Variants in ABCA7 observed in about 807,000 individuals in gnomAD.
The protein encoded by ABCA7 is ATP binding cassette subfamily A member 7, also known as phospholipid-transporting ATPase ABCA7.
ABCA7 carries 261 observed loss-of-function variants against 227.6 expected under a neutral mutation model. That is an observed-to-expected ratio of 1.15 (90% confidence interval 1.04 to 1.27). The LOEUF is 1.27. Ranked by LOEUF, ABCA7 falls within the 50% of genes most tolerant of loss-of-function variation. The pLI is 0.00. For synonymous variants in ABCA7, 1,488 were observed against 1,279.7 expected (o/e 1.16, Z -3.47); for missense variants, 3,331 against 2,924.5 (o/e 1.14, Z -3.21).
At chr19:1,050,542 C>T (rs952572510) in intron 18 of ABCA7, among the ~76,000 whole-genome samples, 1 of 151,852 alleles carries the variant, frequency 6.6e-6, no homozygotes, top group Non-Finnish European at 1.5e-5. Flanking sequence ...GGGGCCGAGG[C>T]GGGTGGATCA....
At chr19:1,050,464 G>A (rs1465642283) in intron 18 of ABCA7, among the ~76,000 whole-genome samples, 5 of 144,922 alleles carry the variant, frequency 3.5e-5, no homozygotes, top group African/African-American at 1.2e-4. Context: ...CAGGGTTTTG[G>A]ATGTAGCATT....
chr19:1,063,802 C>A lies in ABCA7; in HGVS notation c.5890C>A (p.Leu1964Ile). The A allele has an allele frequency of 6.5e-7, 1 of 1,546,530 alleles. No individual in the cohort carries two copies. The highest frequency in any genetic ancestry group is 8.7e-7 in the Non-Finnish European group (1 of 1,145,736). The change falls in exon 44 of 47, where the codon CTT becomes ATT. Residue 1964 changes from leucine to isoleucine, a missense_variant. Physicochemically the swap from Leu to Ile is conservative, Grantham distance 5. Coordinates refer to ENST00000263094, the MANE Select transcript of ABCA7 (RefSeq NM_019112.4). Reference protein sequence around the residue: ...TGMDPSARRFLWNSLLAVVRE... With the variant: ...TGMDPSARRFIWNSLLAVVRE... Reference sequence around the variant, plus strand: ...CATGGACCCCAGCGCGCGGCGCTTCCTTTGGAACAGCCTTTTGGCCGTGGT... The same window carrying A: ...CATGGACCCCAGCGCGCGGCGCTTCATTTGGAACAGCCTTTTGGCCGTGGT...
intron 21 of ABCA7, 56 bp from the exon 22 acceptor site, chr19:1,051,886 C>A: frequency 6.3e-7 from 1 of 1,585,630 alleles, no homozygotes. Context: ...GAGGCCCCAG[C>A]TCGGGCAAAG....
intron 40 of ABCA7, among the ~76,000 whole-genome samples, chr19:1,060,195 G>GTATATATA (rs138175754): frequency 9.4e-5 from 5 of 53,466 alleles, no homozygotes; most frequent in African/African-American, 3.3e-4. Context: ...ACACATTGCA[G>GTATATATA]TATATATATA....
At position 1,054,112 on chromosome 19, in the gene ABCA7, T is replaced by C; in HGVS notation, c.3577+2T>C. 1 of 1,613,036 alleles carries C rather than the reference T, an allele frequency of 6.2e-7. No individual in the cohort carries two copies. The highest frequency in any genetic ancestry group is 8.5e-7 in the Non-Finnish European group (1 of 1,179,916). On this transcript the variant is annotated splice_donor_variant, in intron 26 of 46. Coordinates refer to ENST00000263094, the MANE Select transcript of ABCA7 (RefSeq NM_019112.4). LOFTEE classifies it high-confidence loss of function. The surrounding 1 kb of genome is among the most constrained non-coding windows in gnomAD (Gnocchi z 4.8). ...CAGCGCTGGAGAACGGGGAACCAGG[T>C]AAGTCCTTCCCAGTGGCCCTGGGGT...
rs73505229 is a variant in ABCA7, at chr19:1,056,584, T to G, written c.4586+85T>G. On this transcript the variant is annotated intron_variant, in intron 33 of 46. Transcript: ENST00000263094. This position sits in a 1 kb window ranked among gnomAD's most constrained non-coding sequence, Gnocchi z 4.3. ...GTCGTTTGGGGTGGTGGGAGCTGGATTTGAACCCTGACACACTCTTGCTTT... is the reference window on the plus strand; with the variant it reads ...GTCGTTTGGGGTGGTGGGAGCTGGAGTTGAACCCTGACACACTCTTGCTTT... 7.3e-3 allele frequency: 10,667 copies of G among 1,457,036 alleles called. 706 individuals are homozygous for G. In the African/African-American group the frequency reaches 0.13, roughly 18 times the overall value. 90.3% of individuals were successfully genotyped at this position (1,457,036 alleles called of 1,614,324 possible).
In ABCA7 at chr19:1,048,335, T is replaced by TA. The variant is rs982210417; in HGVS notation, c.2270-555dup. Among the ~76,000 whole-genome samples the TA allele has an allele frequency of 2.8e-5, 4 of 144,704 alleles. No individual in the cohort carries two copies. The Admixed American group carries it at 2.8e-4, about 10-fold the overall frequency. The allele number at this position is 144,704 out of a possible 152,430, so 94.9% of individuals were successfully genotyped here. On this transcript the variant is annotated intron_variant, in intron 16 of 46. Transcript: ENST00000263094. The stretch of plus-strand genomic sequence containing the variant: ...CAACATGGAGAAACCCCGTCTCTAC[T>TA]AAAAATACAAAATTAGCTGGGTGTG...
intron 29 of ABCA7, 37 bp from the exon 30 acceptor site, chr19:1,055,060 G>A (rs1212023430): frequency 5.7e-6 from 9 of 1,581,098 alleles, no homozygotes; most frequent in Middle Eastern, 1.7e-4. Flanking sequence ...CCTTGACCCT[G>A]CAGCGCCCTT....
rs1427649300 is a variant in ABCA7, at chr19:1,047,501, CT to C, written c.2117del (p.Leu706ArgfsTer91). 1 of 1,581,402 alleles carries C rather than the reference CT, an allele frequency of 6.3e-7. No homozygotes were observed. The highest frequency in any genetic ancestry group is 8.6e-7 in the Non-Finnish European group (1 of 1,169,182). On this transcript the variant is annotated frameshift_variant, in exon 16 of 47. Coordinates refer to ENST00000263094, the MANE Select transcript of ABCA7 (RefSeq NM_019112.4). LOFTEE classifies it high-confidence loss of function. ...CGGCTTCGGCTGCGAGAGCCTGGCT[CT>C]GCTGGAGGAGCAGGGCGAGGGCGCG... Reference protein sequence around the residue: ...AFGFGCESLALLEEQGEGAQW... With the variant: ...AFGFGCESLAXLEEQGEGAQW...
In ABCA7 at chr19:1,055,337, C is replaced by T; in HGVS notation, c.4191C>T (p.Arg1397=). 3 of 1,589,438 alleles carry T rather than the reference C, an allele frequency of 1.9e-6. No homozygotes were observed. The highest frequency in any genetic ancestry group is 2.6e-6 in the Non-Finnish European group (3 of 1,170,348). ...LSDFLVKTYP[R]LVRQGLKTKK... is the part of the protein sequence containing the mutation. Reference sequence around the variant, plus strand: ...ACTTCCTGGTCAAGACCTACCCGCGCCTGGTGCGCCAGGGGTGAGCCATGC... The same window carrying T: ...ACTTCCTGGTCAAGACCTACCCGCGTCTGGTGCGCCAGGGGTGAGCCATGC... The change falls in exon 30 of 47, where the codon CGC becomes CGT. Residue 1397 remains arginine (R), a synonymous_variant. Coordinates refer to ENST00000263094, the MANE Select transcript of ABCA7 (RefSeq NM_019112.4).
chr19:1,058,779 G>A (rs1180852478), intron 38 of ABCA7, 32 bp downstream of exon 38: 1 of 1,603,468 alleles, frequency 6.2e-7, no homozygotes, highest in Admixed American at 1.7e-5. Flanking sequence ...GGTGGCAGGG[G>A]CCAAGGACCT....
At chr19:1,051,725 C>G in intron 21 of ABCA7, 139 bp downstream of exon 21, 1 of 1,056,038 alleles carries the variant, frequency 9.5e-7, no homozygotes, top group Non-Finnish European at 1.3e-6. Flanking sequence ...GGCTACTGCT[C>G]AAATACCGAG....
At chr19:1,049,475 A>T (rs1189271430) in intron 18 of ABCA7, 38 bp downstream of exon 18, 1 of 391,958 alleles carries the variant, frequency 2.6e-6, no homozygotes, top group Non-Finnish European at 3.1e-6. Flanking sequence ...GAGCCCCCCC[A>T]CTCCCACCCC....
chr19:1,059,215 A>T, intron 40 of ABCA7, 130 bp downstream of exon 40: 1 of 659,430 alleles, frequency 1.5e-6, no homozygotes, highest in Non-Finnish European at 2.3e-6. Context: ...CTGTATGCCA[A>T]TATTTGTGCT....
chr19:1,060,532 T>G (rs918675703), intron 40 of ABCA7, among the ~76,000 whole-genome samples: 21 of 151,276 alleles, frequency 1.4e-4, no homozygotes, highest in Admixed American at 4.0e-4. Flanking sequence ...CTTTTTTTTT[T>G]TTTTTGAGAC....
At position 1,065,114 on chromosome 19, in the gene ABCA7, G is replaced by A. The variant is rs531365316; in HGVS notation, c.6228G>A (p.Val2076=). Residue 2076 remains valine (V), a synonymous_variant, in exon 46 of 47, where the codon GTG becomes GTA. Transcript: ENST00000263094. The part of the protein sequence containing the change: ...ALARVFGELA[V]HGAEHGVEDF... ...CGCGCGTCTTTGGAGAGCTGGCGGTGCACGGCGCAGAGCACGGCGTGGAGG... is the reference window on the plus strand; with the variant it reads ...CGCGCGTCTTTGGAGAGCTGGCGGTACACGGCGCAGAGCACGGCGTGGAGG... 2.6e-5 allele frequency: 41 copies of A among 1,588,944 alleles called. No homozygotes were observed. Among genetic ancestry groups the A allele is most frequent in the Non-Finnish European group, 3.2e-5 (37 of 1,167,834 alleles).
intron 13 of ABCA7, 130 bp from the exon 14 acceptor site, chr19:1,046,672 G>T (rs1169519971): frequency 8.5e-7 from 1 of 1,173,544 alleles, no homozygotes; most frequent in East Asian, 2.6e-5. Context: ...GCTGGATCAG[G>T]TTCCAAGGAA....
At position 1,056,871 on chromosome 19, in the gene ABCA7, C is replaced by T. The variant is rs2042299368; in HGVS notation, c.4587-36C>T. 1 of 1,597,196 alleles carries T rather than the reference C, an allele frequency of 6.3e-7. No individual in the cohort carries two copies. ...CTCTGCTCTGAGCAACCCATGCACC[C>T]TCACCCTACAACAGCTCTCATGTCT... On this transcript the variant is annotated intron_variant, in intron 33 of 46. Transcript: ENST00000263094. The surrounding 1 kb of genome is among the most constrained non-coding windows in gnomAD (Gnocchi z 4.3).
chr19:1,053,048 C>T (rs1307244258), intron 23 of ABCA7, among the ~76,000 whole-genome samples: 1 of 152,182 alleles, frequency 6.6e-6, no homozygotes, highest in Non-Finnish European at 1.5e-5. Flanking sequence ...TGGGTTCCAC[C>T]ATGCCTGGCT....
Sources: gnomAD v4.1 joint callset for allele counts (sites outside exome capture counted in the v4.1 genomes callset) on GRCh38, gnomAD v4.1.1 for gene constraint, Gnocchi (gnomAD v3.1) non-coding constraint, MANE v1.5 for transcripts, NCBI Gene and HGNC (gene_info 2026-07-23, HGNC 2026-07-21) for gene names.